AGPS: variants seen among roughly 807,000 people sequenced by gnomAD.
The protein encoded by AGPS is alkyldihydroxyacetonephosphate synthase, peroxisomal.
A neutral mutation model predicts 90.7 loss-of-function variants in AGPS; 26 were observed. The observed-to-expected ratio is 0.29, with a 90% CI of 0.21 to 0.40. AGPS has a LOEUF of 0.40. Ranked by LOEUF, AGPS falls within the 10% of genes least tolerant of loss-of-function variation. The probability of loss-of-function intolerance (pLI) is 1.00; values close to 1 mark genes in which losing one functional copy is unlikely to be tolerated. For missense variants in AGPS, 540 were observed against 816.1 expected (o/e 0.66, Z 4.12); for synonymous variants, 294 against 285.3 (o/e 1.03, Z -0.31).
chr2:177,398,019 G>A (rs1685234577), intron 1 of AGPS, among the ~76,000 whole-genome samples: 1 of 152,260 alleles, frequency 6.6e-6, no homozygotes, highest in Admixed American at 6.5e-5. Flanking sequence ...ACGACAGGGC[G>A]AGACTGTGTC....
chr2:177,447,704 A>C (rs1187442283), intron 8 of AGPS, among the ~76,000 whole-genome samples: 1 of 151,926 alleles, frequency 6.6e-6, no homozygotes, highest in Admixed American at 6.6e-5. Context: ...TTTACCTACT[A>C]GTTCATTTCC....
chr2:177,526,933 G>A (rs2079093612), intron 19 of AGPS, among the ~76,000 whole-genome samples: 1 of 152,166 alleles, frequency 6.6e-6, no homozygotes, highest in African/African-American at 2.4e-5. Flanking sequence ...TTCACATGAA[G>A]ATGCTAAGGT....
intron 16 of AGPS, among the ~76,000 whole-genome samples, chr2:177,509,231 T>C (rs900909615): frequency 2.6e-5 from 4 of 152,208 alleles, no homozygotes; most frequent in African/African-American, 9.6e-5. Flanking sequence ...TATCACTCAG[T>C]CATTCACAAT....
chr2:177,495,533 C>T (rs972984794), intron 12 of AGPS, among the ~76,000 whole-genome samples: 6 of 152,070 alleles, frequency 3.9e-5, no homozygotes, highest in East Asian at 1.9e-4. Flanking sequence ...TTAAATGACA[C>T]GATTAACATT....
At chr2:177,403,061 A>T (rs1685373060) in intron 1 of AGPS, among the ~76,000 whole-genome samples, 1 of 152,146 alleles carries the variant, frequency 6.6e-6, no homozygotes, top group South Asian at 2.1e-4. Flanking sequence ...TGTCTCAAAA[A>T]AGGAGAAAAA....
intron 13 of AGPS, among the ~76,000 whole-genome samples, chr2:177,499,141 CTTTTT>C (rs919153835): frequency 1.3e-5 from 2 of 151,586 alleles, no homozygotes; most frequent in African/African-American, 4.8e-5. Context: ...TAATATATTT[CTTTTT>C]AAGATTGTTA....
intron 1 of AGPS, among the ~76,000 whole-genome samples, chr2:177,413,917 T>C (rs73025688): frequency 0.017 from 2,586 of 152,308 alleles, 70 homozygotes; most frequent in African/African-American, 0.057. Context: ...AAGTTTCTAA[T>C]TGGTAGATTA....
chr2:177,446,193 G>C (rs1225549920), intron 8 of AGPS, among the ~76,000 whole-genome samples: 2 of 151,006 alleles, frequency 1.3e-5, no homozygotes, highest in Non-Finnish European at 2.9e-5. Flanking sequence ...TCACTCTGTC[G>C]CCCAGGCTGG....
At chr2:177,438,003 A>AT in intron 5 of AGPS, among the ~76,000 whole-genome samples, 1 of 152,212 alleles carries the variant, frequency 6.6e-6, no homozygotes, top group Non-Finnish European at 1.5e-5. Flanking sequence ...TAGTATAGAA[A>AT]TTTTAACTGT....
intron 19 of AGPS, among the ~76,000 whole-genome samples, chr2:177,529,662 T>C (rs1230364609): frequency 6.6e-6 from 1 of 152,178 alleles, no homozygotes; most frequent in Non-Finnish European, 1.5e-5. Context: ...GGTAAAATAA[T>C]GTGCATTTTT....
At chr2:177,489,608 C>A (rs1688192255) in intron 11 of AGPS, among the ~76,000 whole-genome samples, 1 of 152,096 alleles carries the variant, frequency 6.6e-6, no homozygotes, top group Admixed American at 6.5e-5. Context: ...TTATTTATTT[C>A]ATTATTAAAG....
At chr2:177,472,357 C>T (rs757621577) in intron 10 of AGPS, among the ~76,000 whole-genome samples, 12 of 151,188 alleles carry the variant, frequency 7.9e-5, no homozygotes, top group Non-Finnish European at 1.2e-4. Flanking sequence ...TTACTTTTTA[C>T]GTGCCTTTTT....
At chr2:177,442,331 A>G in intron 6 of AGPS, 76 bp from the exon 7 acceptor site, 4 of 1,118,206 alleles carry the variant, frequency 3.6e-6, no homozygotes, top group Non-Finnish European at 4.1e-6. Flanking sequence ...TATACTTGAT[A>G]TGAGGGATTT....
At chr2:177,504,563 T>C (rs1430987618) in intron 14 of AGPS, among the ~76,000 whole-genome samples, 1 of 152,124 alleles carries the variant, frequency 6.6e-6, no homozygotes, top group Non-Finnish European at 1.5e-5. Flanking sequence ...TCAGGAAATT[T>C]TGATTTAGCC....
At position 177,430,880 on chromosome 2, in the gene AGPS, G is replaced by A. The variant is rs547208641; in HGVS notation, c.351-3447G>A. ...CTTTATGGGTATTATACATTAGTTT[G>A]GTACTTAGAAATCACAAGTTAGTAT... On this transcript the variant is annotated intron_variant, in intron 2 of 19. Transcript: ENST00000264167. Among the ~76,000 whole-genome samples the A allele has an allele frequency of 2.0e-5, 3 of 152,110 alleles. No homozygotes were observed. The East Asian group carries it at 5.8e-4, about 29-fold the overall frequency.
intron 15 of AGPS, 117 bp downstream of exon 15, chr2:177,505,692 T>A: frequency 2.2e-6 from 2 of 890,858 alleles, no homozygotes; most frequent in Non-Finnish European, 3.6e-6. Context: ...TACTGTAATT[T>A]AGCATATCAT....
intron 15 of AGPS, among the ~76,000 whole-genome samples, chr2:177,506,290 T>C (rs1338098735): frequency 6.6e-6 from 1 of 151,750 alleles, no homozygotes; most frequent in Non-Finnish European, 1.5e-5. Flanking sequence ...TTTTTTCAGA[T>C]ATCCTATTGA....
At chr2:177,450,975 T>TATATATATATATATATATATATATATA (rs1434749270) in intron 8 of AGPS, among the ~76,000 whole-genome samples, 21 of 136,540 alleles carry the variant, frequency 1.5e-4, no homozygotes, top group African/African-American at 4.3e-4. Context: ...TATATATATA[T>TATATATATATATATATATATATATATA]TTTAGAGACA....
At chr2:177,478,996 T>C (rs1265648419) in intron 10 of AGPS, among the ~76,000 whole-genome samples, 3 of 152,250 alleles carry the variant, frequency 2.0e-5, no homozygotes, top group African/African-American at 2.4e-5. Flanking sequence ...GCAAATAAAG[T>C]CATTTCCATT....
Sources: allele counts gnomAD v4.1 joint callset (sites outside exome capture counted in the v4.1 genomes callset), GRCh38; gene constraint gnomAD v4.1.1; transcripts MANE v1.5; gene names NCBI Gene and HGNC (gene_info 2026-07-23, HGNC 2026-07-21).